CNOT10: variants seen among roughly 807,000 people sequenced by gnomAD.
CNOT10 encodes CCR4-NOT transcription complex subunit 10.
A neutral mutation model predicts 94.6 loss-of-function variants in CNOT10; 30 were observed. The observed-to-expected ratio is 0.32, with a 90% CI of 0.24 to 0.43. The LOEUF is 0.43. Ranked by LOEUF, CNOT10 falls within the 20% of genes least tolerant of loss-of-function variation. The pLI is 1.00. For missense variants in CNOT10, 759 were observed against 877.2 expected (o/e 0.87, Z 1.70); for synonymous variants, 289 against 301.6 (o/e 0.96, Z 0.43).
intron 12 of CNOT10, among the ~76,000 whole-genome samples, chr3:32,735,331 T>TCCGTCTCAAAAAAAAAAAAAAAAAAAAAA (rs1273249188): frequency 6.8e-6 from 1 of 146,816 alleles, no homozygotes; most frequent in African/African-American, 2.6e-5. Flanking sequence ...GGCGACAGAG[T>TCCGTCTCAAAAAAAAAAAAAAAAAAAAAA]GAGACTTCAT....
intron 1 of CNOT10, among the ~76,000 whole-genome samples, chr3:32,687,439 G>GTTTTTTT (rs201119069): frequency 9.7e-5 from 5 of 51,320 alleles, no homozygotes; most frequent in Non-Finnish European, 1.0e-4. Flanking sequence ...AGTCCTCACG[G>GTTTTTTT]TTTTTTTTTT....
At position 32,702,606 on chromosome 3, in the gene CNOT10, A is replaced by G. The variant is rs144936136; in HGVS notation, c.23-1262A>G. ...ATTAGCTGTAAGCCCTTATCAGTGT[A>G]GTTTTCTGATTGTTACTACTTTCCA... On this transcript the variant is annotated intron_variant, in intron 1 of 18. Coordinates refer to ENST00000328834, the MANE Select transcript of CNOT10 (RefSeq NM_015442.3). 3.3e-4 allele frequency among the ~76,000 whole-genome samples: 51 copies of G among 152,302 alleles called. No homozygotes were observed. In the East Asian group the frequency reaches 7.7e-3, roughly 23 times the overall value.
intron 10 of CNOT10, among the ~76,000 whole-genome samples, chr3:32,728,710 A>C (rs756542958): frequency 6.6e-6 from 1 of 152,210 alleles, no homozygotes; most frequent in Non-Finnish European, 1.5e-5. Flanking sequence ...CCAGTGAGAA[A>C]GTCATGTATG....
rs1279600418 is a variant in CNOT10, at chr3:32,720,882, T to TCC, written c.862+651_862+652insCC. Among the ~76,000 whole-genome samples the TCC allele has an allele frequency of 8.8e-3, 1,059 of 120,206 alleles. 5 individuals carry two copies. Among genetic ancestry groups the TCC allele is most frequent in the East Asian group, 0.026 (91 of 3,472 alleles). 78.9% of individuals were successfully genotyped at this position (120,206 alleles called of 152,430 possible). On this transcript the variant is annotated intron_variant, in intron 8 of 18. Coordinates refer to ENST00000328834, the MANE Select transcript of CNOT10 (RefSeq NM_015442.3). ...CTCCCTTCCCTCCTTCCTTCTTTCT[T>TCC]TTCCTTCTTTTCCTTCCTTCCTTCC...
At chr3:32,739,461 G>C (rs954587388) in intron 13 of CNOT10, among the ~76,000 whole-genome samples, 1 of 151,950 alleles carries the variant, frequency 6.6e-6, no homozygotes, top group African/African-American at 2.4e-5. Context: ...CTTTAAGCCT[G>C]CTGTGACTTC....
intron 13 of CNOT10, among the ~76,000 whole-genome samples, chr3:32,756,096 A>C (rs1451462059): frequency 6.6e-6 from 1 of 152,146 alleles, no homozygotes; most frequent in East Asian, 1.9e-4. Context: ...AATTGTGCAG[A>C]GTGCGGTGTT....
At chr3:32,760,193 AT>A (rs1355735326) in intron 14 of CNOT10, among the ~76,000 whole-genome samples, 3 of 152,048 alleles carry the variant, frequency 2.0e-5, no homozygotes, top group Non-Finnish European at 4.4e-5. Context: ...AAAAAAAAAA[AT>A]AGACAAGAAT....
chr3:32,720,822 GCCCT>G (rs199639916), intron 8 of CNOT10, among the ~76,000 whole-genome samples: 264 of 136,554 alleles, frequency 1.9e-3, no homozygotes, highest in African/African-American at 6.6e-3. Context: ...TGACTTGCCT[GCCCT>G]CCCTCCCTCC....
intron 1 of CNOT10, among the ~76,000 whole-genome samples, chr3:32,692,916 G>A (rs559179759): frequency 3.3e-5 from 5 of 151,994 alleles, no homozygotes; most frequent in Non-Finnish European, 5.9e-5. Context: ...GTGCTGCTGC[G>A]TGCCTGTAGT....
chr3:32,752,015 G>A (rs980704741), intron 13 of CNOT10, among the ~76,000 whole-genome samples: 4 of 152,180 alleles, frequency 2.6e-5, no homozygotes, highest in African/African-American at 4.8e-5. Context: ...CTTCAGGCCA[G>A]GTGGAATGGC....
rs376879885 is a variant in CNOT10, at chr3:32,718,258, CTTT to C, written c.744+1041_744+1043del. On this transcript the variant is annotated intron_variant, in intron 7 of 18. Coordinates refer to ENST00000328834, the MANE Select transcript of CNOT10 (RefSeq NM_015442.3). ...AGTTAGCCAGCCACCCATTATCAAA[CTTT>C]TTTTTTTTTTTTTTTTTTTAATGAT... Among the ~76,000 whole-genome samples, 11 of 116,994 alleles carry C rather than the reference CTTT, an allele frequency of 9.4e-5. No individual in the cohort carries two copies. In the South Asian group the frequency reaches 1.2e-3, roughly 12 times the overall value. 76.8% of individuals were successfully genotyped at this position (116,994 alleles called of 152,430 possible).
At chr3:32,728,747 C>T (rs1486858297) in intron 10 of CNOT10, among the ~76,000 whole-genome samples, 1 of 152,156 alleles carries the variant, frequency 6.6e-6, no homozygotes, top group African/African-American at 2.4e-5. Flanking sequence ...CTAGCTGCTC[C>T]AGGGGTCAGG....
chr3:32,722,717 C>T (rs2125554611), intron 8 of CNOT10, among the ~76,000 whole-genome samples: 1 of 152,280 alleles, frequency 6.6e-6, no homozygotes, highest in African/African-American at 2.4e-5. Context: ...TGGTGGCTCA[C>T]ACCTATAATC....
intron 8 of CNOT10, among the ~76,000 whole-genome samples, chr3:32,722,976 A>G (rs1698491546): frequency 2.0e-5 from 3 of 152,216 alleles, no homozygotes; most frequent in Admixed American, 2.0e-4. Flanking sequence ...ATATGTCAGA[A>G]GATTACCTTT....
At chr3:32,752,681 A>G (rs987738237) in intron 13 of CNOT10, among the ~76,000 whole-genome samples, 7 of 152,218 alleles carry the variant, frequency 4.6e-5, no homozygotes, top group Non-Finnish European at 1.0e-4. Context: ...TTCAACTTTA[A>G]CAGTTGAAAG....
At chr3:32,703,822 G>A (rs1320852981) in intron 1 of CNOT10, 46 bp from the exon 2 acceptor site, 2 of 1,392,058 alleles carry the variant, frequency 1.4e-6, no homozygotes, top group Non-Finnish European at 1.0e-6. Flanking sequence ...AGGGACCACT[G>A]TACAACTTTT....
At chr3:32,754,017 T>G in intron 13 of CNOT10, 1 of 523,516 alleles carries the variant, frequency 1.9e-6, no homozygotes, top group Non-Finnish European at 3.2e-6. Context: ...GGAGAATTGC[T>G]TGAACCCAGG....
intron 13 of CNOT10, among the ~76,000 whole-genome samples, chr3:32,743,098 G>A (rs1324073896): frequency 6.7e-6 from 1 of 149,314 alleles, no homozygotes; most frequent in African/African-American, 2.5e-5. Context: ...CAGTTCTCCT[G>A]CCTCAGCCTC....
chr3:32,763,739 G>A (rs1361927144), intron 15 of CNOT10, among the ~76,000 whole-genome samples: 1 of 152,166 alleles, frequency 6.6e-6, no homozygotes, highest in African/African-American at 2.4e-5. Context: ...GTGGGTGGTA[G>A]CATTCTGGCA....
Sources: allele counts gnomAD v4.1 joint callset (sites outside exome capture counted in the v4.1 genomes callset), GRCh38; gene constraint gnomAD v4.1.1; transcripts MANE v1.5; gene names NCBI Gene and HGNC (gene_info 2026-07-23, HGNC 2026-07-21).